The following GALNTL6 variants were observed in gnomAD, a reference collection of about 807,000 sequenced individuals.
GALNTL6 encodes polypeptide N-acetylgalactosaminyltransferase like 6.
A neutral mutation model predicts 73.7 loss-of-function variants in GALNTL6; 46 were observed. The ratio of observed to expected loss-of-function variants is 0.62; its 90% CI spans 0.49 to 0.80. The LOEUF is 0.80. Ranked by LOEUF, GALNTL6 falls within the 30% of genes least tolerant of loss-of-function variation. The pLI, the probability that GALNTL6 is intolerant of heterozygous loss-of-function variation, is 0.00. For synonymous variants in GALNTL6, 259 were observed against 263.7 expected (o/e 0.98, Z 0.17); for missense variants, 604 against 755.0 (o/e 0.80, Z 2.34).
chr4:172,158,767 T>C (rs1194139270), intron 2 of GALNTL6, among the ~76,000 whole-genome samples: 1 of 152,188 alleles, frequency 6.6e-6, no homozygotes, highest in Non-Finnish European at 1.5e-5. Flanking sequence ...TTAACTATTT[T>C]ATGAGCAATT....
chr4:172,119,369 A>T (rs1733084377), intron 2 of GALNTL6, among the ~76,000 whole-genome samples: 2 of 152,154 alleles, frequency 1.3e-5, no homozygotes, highest in African/African-American at 2.4e-5. Context: ...GAATGGACTC[A>T]TTATTTGGTT....
chr4:172,479,329 CACACTTCA>C (rs1333326517), intron 5 of GALNTL6, among the ~76,000 whole-genome samples: 6 of 152,102 alleles, frequency 3.9e-5, no homozygotes, highest in Admixed American at 3.3e-4. Context: ...CACACACACA[CACACTTCA>C]TTGTTTTATA....
intron 2 of GALNTL6, among the ~76,000 whole-genome samples, chr4:171,942,479 T>C (rs1376274077): frequency 6.6e-6 from 1 of 152,170 alleles, no homozygotes; most frequent in Non-Finnish European, 1.5e-5. Flanking sequence ...CTCTGCTTAA[T>C]TCTAATACAA....
At chr4:172,821,605 C>A (rs1741933541) in intron 7 of GALNTL6, among the ~76,000 whole-genome samples, 1 of 152,106 alleles carries the variant, frequency 6.6e-6, no homozygotes, top group Non-Finnish European at 1.5e-5. Flanking sequence ...GTCAACAATG[C>A]CAGCTTCTGG....
chr4:172,558,385 C>T (rs1002631755), intron 5 of GALNTL6, among the ~76,000 whole-genome samples: 1 of 152,112 alleles, frequency 6.6e-6, no homozygotes, highest in African/African-American at 2.4e-5. Flanking sequence ...TATTTGGAGA[C>T]AGGGCCTTTA....
intron 5 of GALNTL6, among the ~76,000 whole-genome samples, chr4:172,629,948 A>G (rs1008568331): frequency 2.0e-5 from 3 of 152,170 alleles, no homozygotes; most frequent in African/African-American, 7.2e-5. Context: ...TTAGCAATAT[A>G]TTGTAAGATC....
rs189207483 is a variant in GALNTL6, at chr4:171,914,641, C to T, written c.138+99923C>T. ...ATGTTGGCCAGGCTGGTCTCAAACT[C>T]CTAACCTCAGGCAATCTGCCCGTCT... On this transcript the variant is annotated intron_variant, in intron 2 of 12. Coordinates refer to ENST00000506823, the MANE Select transcript of GALNTL6 (RefSeq NM_001034845.3). Among the ~76,000 whole-genome samples the T allele has an allele frequency of 6.9e-3, 1,046 of 151,498 alleles. 16 individuals carry two copies. The highest frequency in any genetic ancestry group is 0.024 in the African/African-American group (981 of 41,388).
chr4:171,909,078 G>A (rs1737392865), intron 2 of GALNTL6, among the ~76,000 whole-genome samples: 1 of 149,646 alleles, frequency 6.7e-6, no homozygotes, highest in African/African-American at 2.5e-5. Flanking sequence ...GCACCAGCAT[G>A]ACACATGTAT....
At chr4:172,305,812 G>A (rs1740110427) in intron 3 of GALNTL6, among the ~76,000 whole-genome samples, 1 of 152,020 alleles carries the variant, frequency 6.6e-6, no homozygotes, top group Non-Finnish European at 1.5e-5. Context: ...CATAATTGGT[G>A]ACTCACCAGT....
chr4:172,193,794 C>T (rs1014502140), intron 2 of GALNTL6, among the ~76,000 whole-genome samples: 7 of 151,754 alleles, frequency 4.6e-5, no homozygotes, highest in East Asian at 3.9e-4. Flanking sequence ...ACCCGGGAGG[C>T]GGAACTTGCA....
intron 2 of GALNTL6, among the ~76,000 whole-genome samples, chr4:171,965,274 G>A (rs4692907): frequency 0.43 from 65,361 of 152,042 alleles, 16,825 homozygotes; most frequent in Non-Finnish European, 0.57. Context: ...TATGGAGCCA[G>A]AAAGTATCCT....
intron 2 of GALNTL6, among the ~76,000 whole-genome samples, chr4:172,029,205 T>C (rs999517895): frequency 6.6e-6 from 1 of 152,072 alleles, no homozygotes; most frequent in Non-Finnish European, 1.5e-5. Flanking sequence ...GTAAACTTCA[T>C]TAAATGTCAA....
chr4:172,955,297 G>A (rs534217116), intron 10 of GALNTL6, among the ~76,000 whole-genome samples: 30 of 152,148 alleles, frequency 2.0e-4, no homozygotes, highest in Non-Finnish European at 3.5e-4. Flanking sequence ...AGCCAACATG[G>A]TGAAACCCTA....
chr4:172,456,502 C>T (rs558568020), intron 5 of GALNTL6, among the ~76,000 whole-genome samples: 2 of 151,444 alleles, frequency 1.3e-5, no homozygotes, highest in Admixed American at 6.6e-5. Context: ...TAGAGAAGAA[C>T]ATAAATGACC....
rs528763874 is a variant in GALNTL6 at position 172,966,605 on chromosome 4, G to T, written c.1371+14347G>T. On this transcript the variant is annotated intron_variant, in intron 10 of 12. Coordinates refer to ENST00000506823, the MANE Select transcript of GALNTL6 (RefSeq NM_001034845.3). ...AGACGGAGTTTCTCCATGTTGGCCA[G>T]ACTGATCTTGAACTGCCCTCAGGTG... Among the ~76,000 whole-genome samples the T allele has an allele frequency of 3.3e-5, 5 of 152,188 alleles. No individual in the cohort carries two copies. The East Asian group carries it at 9.7e-4, about 29-fold the overall frequency.
At chr4:172,403,808 G>A (rs1744123712) in intron 5 of GALNTL6, among the ~76,000 whole-genome samples, 1 of 151,866 alleles carries the variant, frequency 6.6e-6, no homozygotes, top group Admixed American at 6.6e-5. Flanking sequence ...TCTATTGTAA[G>A]CCACTGAATC....
intron 11 of GALNTL6, among the ~76,000 whole-genome samples, chr4:173,017,540 G>A (rs559542879): frequency 6.6e-6 from 1 of 152,272 alleles, no homozygotes; most frequent in South Asian, 2.1e-4. Flanking sequence ...TGGCCACTGA[G>A]ATAAGATAAA....
intron 2 of GALNTL6, among the ~76,000 whole-genome samples, chr4:172,213,781 C>A (rs181040479): frequency 6.2e-4 from 94 of 152,152 alleles, no homozygotes; most frequent in African/African-American, 2.1e-3. Flanking sequence ...TTTGGCAAAG[C>A]AGAAGTTTTT....
At chr4:172,867,271 A>G (rs1226834002) in intron 7 of GALNTL6, among the ~76,000 whole-genome samples, 3 of 152,228 alleles carry the variant, frequency 2.0e-5, no homozygotes, top group African/African-American at 2.4e-5. Flanking sequence ...TGTAATGAGT[A>G]TGTCTGCCAC....
Sources: allele counts gnomAD v4.1 joint callset (sites outside exome capture counted in the v4.1 genomes callset), GRCh38; gene constraint gnomAD v4.1.1; transcripts MANE v1.5; gene names NCBI Gene and HGNC (gene_info 2026-07-23, HGNC 2026-07-21).